The following ME3 variants were observed in gnomAD, a reference collection of about 807,000 sequenced individuals.
The protein encoded by ME3 is NADP-dependent malic enzyme, mitochondrial.
ME3 carries 48 observed loss-of-function variants against 68.9 expected under a neutral mutation model. The observed-to-expected ratio is 0.70, with a 90% CI of 0.55 to 0.89. The LOEUF is 0.89. Ranked by LOEUF, ME3 falls within the 40% of genes least tolerant of loss-of-function variation. The probability of loss-of-function intolerance (pLI) is 0.00; values close to 1 mark genes in which losing one functional copy is unlikely to be tolerated. For synonymous variants in ME3, 320 were observed against 318.8 expected (o/e 1.00, Z -0.04); for missense variants, 675 against 797.4 (o/e 0.85, Z 1.85).
Position 86,499,931 on chromosome 11 carries a change from T to A in ME3, c.544-1807A>T, listed in dbSNP as rs541059109. On this transcript the variant is annotated intron_variant, in intron 5 of 14. Coordinates refer to ENST00000543262, the Ensembl canonical transcript of ME3. ...CTGGATGTTTCCACATCAGTTATCT[T>A]AAAAGATTAGATGACTTTGCAAGGT... Among the ~76,000 whole-genome samples, 3 of 152,358 alleles carry A rather than the reference T, an allele frequency of 2.0e-5. No homozygotes were observed. In the East Asian group the frequency reaches 5.8e-4, roughly 29 times the overall value.
At chr11:86,621,250 A>G (rs1943329750) in intron 2 of ME3, among the ~76,000 whole-genome samples, 1 of 152,236 alleles carries the variant, frequency 6.6e-6, no homozygotes, top group South Asian at 2.1e-4. Flanking sequence ...AAGAGGAGAA[A>G]AGTCACTATT....
At chr11:86,610,752 A>G (rs562614275) in intron 2 of ME3, among the ~76,000 whole-genome samples, 11 of 152,316 alleles carry the variant, frequency 7.2e-5, no homozygotes, top group Admixed American at 5.2e-4. Flanking sequence ...ACAAGCATGA[A>G]CAATAACTGA....
At chr11:86,502,467 T>C (rs1594203523) in intron 5 of ME3, among the ~76,000 whole-genome samples, 1 of 152,226 alleles carries the variant, frequency 6.6e-6, no homozygotes, top group Non-Finnish European at 1.5e-5. Context: ...CACTCACAAA[T>C]GGTGGGCAAT....
At chr11:86,503,039 C>T (rs1269190677) in intron 5 of ME3, among the ~76,000 whole-genome samples, 1 of 151,920 alleles carries the variant, frequency 6.6e-6, no homozygotes, top group Non-Finnish European at 1.5e-5. Flanking sequence ...TCCTTTTATC[C>T]TCCTCCTCCT....
intron 4 of ME3, among the ~76,000 whole-genome samples, chr11:86,534,412 C>T (rs1309015405): frequency 3.3e-5 from 5 of 152,116 alleles, no homozygotes; most frequent in Admixed American, 2.6e-4. Context: ...AGGTGGCTTA[C>T]GCCTGTAATC....
intron 2 of ME3, among the ~76,000 whole-genome samples, chr11:86,626,906 G>A (rs1384362653): frequency 6.6e-6 from 1 of 152,148 alleles, no homozygotes; most frequent in Non-Finnish European, 1.5e-5. Flanking sequence ...TAAATGGTGT[G>A]GTTTTTGTCT....
intron 11 of ME3, 42 bp downstream of exon 11, chr11:86,448,108 G>C (rs1949423609): frequency 1.4e-6 from 2 of 1,409,630 alleles, no homozygotes; most frequent in Non-Finnish European, 2.0e-6. Context: ...CAAGTCAAGA[G>C]GGTTAGCTGG....
chr11:86,653,975 C>A (rs910742694), intron 2 of ME3, among the ~76,000 whole-genome samples: 1 of 152,176 alleles, frequency 6.6e-6, no homozygotes, highest in African/African-American at 2.4e-5. Context: ...CACCTCTACA[C>A]AAATAAACTA....
exon 4 of ME3, chr11:86,556,563 G>A (rs1285875975): frequency 1.1e-5 from 17 of 1,613,714 alleles, no homozygotes; most frequent in Admixed American, 3.3e-5. Flanking sequence ...CGGGGCCTGC[G>A]GAAAGTCAGG....
At chr11:86,585,845 A>G (rs1323142486) in intron 2 of ME3, among the ~76,000 whole-genome samples, 10 of 152,266 alleles carry the variant, frequency 6.6e-5, no homozygotes, top group Admixed American at 3.3e-4. Context: ...CTGAGATGGG[A>G]CAGCGGAAAG....
intron 2 of ME3, among the ~76,000 whole-genome samples, chr11:86,662,400 C>T (rs1180152603): frequency 6.6e-6 from 1 of 151,728 alleles, no homozygotes; most frequent in South Asian, 2.1e-4. Flanking sequence ...ACCAGCCTGG[C>T]CAACATAACA....
intron 3 of ME3, among the ~76,000 whole-genome samples, chr11:86,558,374 A>C (rs1957035313): frequency 6.6e-6 from 1 of 152,182 alleles, no homozygotes; most frequent in South Asian, 2.1e-4. Context: ...TGAGATAAAA[A>C]AGAGGGAGAG....
intron 7 of ME3, among the ~76,000 whole-genome samples, chr11:86,481,981 C>A (rs1456403623): frequency 2.6e-5 from 4 of 152,144 alleles, no homozygotes; most frequent in Non-Finnish European, 5.9e-5. Flanking sequence ...GGAATGAAAC[C>A]TTTTACCCTC....
chr11:86,597,560 G>A (rs1959719186), intron 2 of ME3, among the ~76,000 whole-genome samples: 1 of 152,196 alleles, frequency 6.6e-6, no homozygotes, highest in South Asian at 2.1e-4. Context: ...TGTGAAGTAT[G>A]CTCTCTGGAG....
intron 4 of ME3, among the ~76,000 whole-genome samples, chr11:86,524,805 A>C (rs796096276): frequency 5.9e-5 from 9 of 152,328 alleles, no homozygotes; most frequent in African/African-American, 2.2e-4. Context: ...AGAGACAGCT[A>C]AGTGCCTGGA....
intron 2 of ME3, among the ~76,000 whole-genome samples, chr11:86,663,542 T>C (rs1384701105): frequency 6.6e-6 from 1 of 152,190 alleles, no homozygotes; most frequent in Non-Finnish European, 1.5e-5. Flanking sequence ...CCGATATACT[T>C]TCTACACATC....
intron 4 of ME3, among the ~76,000 whole-genome samples, chr11:86,550,713 A>T (rs1956622348): frequency 6.6e-6 from 1 of 151,894 alleles, no homozygotes. Flanking sequence ...TTTTGCTGGG[A>T]GTATGTGTGT....
intron 2 of ME3, among the ~76,000 whole-genome samples, chr11:86,605,606 A>G (rs985265952): frequency 3.9e-5 from 6 of 152,216 alleles, no homozygotes; most frequent in African/African-American, 7.2e-5. Context: ...TGTATGAACA[A>G]GTATTTTTTG....
intron 2 of ME3, among the ~76,000 whole-genome samples, chr11:86,635,631 A>AT (rs948973528): frequency 2.0e-5 from 3 of 152,262 alleles, no homozygotes; most frequent in African/African-American, 7.2e-5. Context: ...TTCTAAAAAA[A>AT]GGATGAGTTC....
Sources: allele counts gnomAD v4.1 joint callset (sites outside exome capture counted in the v4.1 genomes callset), GRCh38; gene constraint gnomAD v4.1.1; transcripts MANE v1.5; gene names NCBI Gene and HGNC (gene_info 2026-07-23, HGNC 2026-07-21).